CDKL5: variants seen among roughly 807,000 people sequenced by gnomAD.
CDKL5 encodes cyclin dependent kinase like 5.
In CDKL5, 8 loss-of-function variants were observed where a neutral mutation model predicts 61.7. The ratio of observed to expected loss-of-function variants is 0.13; its 90% CI spans 0.08 to 0.23. CDKL5 has a LOEUF of 0.23. Among genes scored for constraint, CDKL5 ranks in the 10% least tolerant of loss-of-function variants. The pLI is 1.00. For synonymous variants in CDKL5, 275 were observed against 272.3 expected, an observed-to-expected ratio of 1.01 and a Z score of -0.10; for missense variants, 440 against 734.5, an observed-to-expected ratio of 0.60 and a Z score of 4.63.
At chrX:18,469,167 C>T (rs772256917) in intron 1 of CDKL5, among the ~76,000 whole-genome samples, 18 of 105,134 alleles carry the variant, frequency 1.7e-4, no homozygotes, top group South Asian at 4.3e-4. Context: ...GGTGAAACCC[C>T]GTGTCTACTA....
chrX:18,573,250 C>G (rs1204775471), intron 4 of CDKL5, among the ~76,000 whole-genome samples: 1 of 111,338 alleles, frequency 9.0e-6, no homozygotes, highest in African/African-American at 3.3e-5. Context: ...TAAATTAGTC[C>G]CTTGTTAGAT....
chrX:18,595,291 C>G, intron 9 of CDKL5, 57 bp from the exon 10 acceptor site: 1 of 811,694 alleles, frequency 1.2e-6, no homozygotes, highest in Admixed American at 2.2e-5. Flanking sequence ...CTCACAAGCA[C>G]GTGCACACAC....
chrX:18,425,724 C>T (rs1478422237), intron 1 of CDKL5, 29 bp downstream of exon 1: 1 of 112,034 alleles, frequency 8.9e-6, no homozygotes, highest in Non-Finnish European at 1.9e-5. Context: ...ACCCGCCCGC[C>T]AAGCCTTCTT....
At chrX:18,527,649 C>A (rs1044826036) in intron 3 of CDKL5, among the ~76,000 whole-genome samples, 2 of 110,347 alleles carry the variant, frequency 1.8e-5, no homozygotes, top group Admixed American at 1.9e-4. Context: ...AGAGGTTTAT[C>A]AGCTTTATTG....
chrX:18,609,443 A>G (rs749238752), intron 13 of CDKL5, 22 bp from the exon 14 acceptor site: 1 of 1,211,637 alleles, frequency 8.3e-7, no homozygotes, highest in East Asian at 3.0e-5. Context: ...CTTAACTTTT[A>G]TAAATTTCTT....
intron 1 of CDKL5, among the ~76,000 whole-genome samples, chrX:18,480,799 ACTT>A (rs1010408034): frequency 1.3e-4 from 14 of 106,671 alleles, no homozygotes; most frequent in East Asian, 8.8e-4. Flanking sequence ...GACATAGCAC[ACTT>A]CTTCTTCCTT....
rs1413837885 is a variant in CDKL5, at chrX:18,604,537, C to T, written c.1613C>T (p.Thr538Met). ...CCAACCCCCACCAGACACAGTGACA[C>T]GAGAACTTTGCTCAGCCCTTCTGGA... is the stretch of plus-strand genomic sequence containing the variant. ...TSPTPTRHSD[T>M]RTLLSPSGRN... Residue 538 changes from threonine (T) to methionine (M), a missense_variant, in exon 12 of 18, where the codon ACG becomes ATG. Around this residue, in one of 2 missense-constraint regions of CDKL5, gnomAD observed 363 missense variants for 516.3 expected, o/e 0.70. Coordinates refer to ENST00000623535, the MANE Select transcript of CDKL5 (RefSeq NM_001323289.2). 1.1e-5 allele frequency: 13 copies of T among 1,211,607 alleles called. No individual in the cohort carries two copies. In the South Asian group the frequency reaches 2.1e-4, roughly 20 times the overall value.
chrX:18,449,133 G>A (rs1466005882), intron 1 of CDKL5, among the ~76,000 whole-genome samples: 1 of 112,518 alleles, frequency 8.9e-6, no homozygotes, highest in African/African-American at 3.2e-5. Flanking sequence ...GGGATTACAG[G>A]CGTGAGCCAC....
chrX:18,539,695 A>G lies in CDKL5; in HGVS notation c.100-24782A>G, dbSNP rs138108228. On this transcript the variant is annotated intron_variant, in intron 3 of 17. Coordinates refer to ENST00000623535, the MANE Select transcript of CDKL5 (RefSeq NM_001323289.2). ...CATGTATTCTGCTGCTGTTGGGTAT[A>G]GTATTTTATATATGACAATGAGACC... 4.5e-5 allele frequency among the ~76,000 whole-genome samples: 5 copies of G among 111,297 alleles called. No homozygotes were observed. In the East Asian group the frequency reaches 1.4e-3, roughly 31 times the overall value.
At chrX:18,506,741 A>G (rs1324910156) in intron 1 of CDKL5, among the ~76,000 whole-genome samples, 194 bp from the exon 2 acceptor site, 4 of 112,194 alleles carry the variant, frequency 3.6e-5, no homozygotes, top group African/African-American at 1.3e-4. Flanking sequence ...TTCATTTCAA[A>G]TACAGAGAGG....
intron 1 of CDKL5, among the ~76,000 whole-genome samples, chrX:18,452,113 T>G (rs757501502): frequency 8.9e-6 from 1 of 111,985 alleles, no homozygotes; most frequent in African/African-American, 3.2e-5. Context: ...GATGATTGTA[T>G]TAATAGATTT....
chrX:18,636,724 A>T lies in CDKL5; in HGVS notation c.*7967A>T, dbSNP rs1405568028. The stretch of plus-strand genomic sequence containing the variant: ...CTAGGTGCAGAAATAAAGACAACTT[A>T]GTCAAGTGAAGGAAAGGGTAACAGA... On this transcript the variant is annotated 3_prime_UTR_variant, in exon 18 of 18. Coordinates refer to ENST00000623535, the MANE Select transcript of CDKL5 (RefSeq NM_001323289.2). The T allele has an allele frequency of 8.9e-6, 1 of 112,006 alleles. No homozygotes were observed. The highest frequency in any genetic ancestry group is 1.9e-5 in the Non-Finnish European group (1 of 53,272). The allele number at this position is 112,006 out of a possible 1,213,427, so 9.2% of individuals were successfully genotyped here. A position where few individuals can be genotyped will look rare whatever the true frequency, so the allele number is the denominator to read the frequency against.
intron 1 of CDKL5, among the ~76,000 whole-genome samples, chrX:18,447,723 T>TA (rs1931913125): frequency 8.9e-6 from 1 of 111,987 alleles, no homozygotes; most frequent in African/African-American, 3.2e-5. Flanking sequence ...ACACTGCTGT[T>TA]ACCTGGTTTT....
At chrX:18,572,679 G>C (rs754193094) in intron 4 of CDKL5, among the ~76,000 whole-genome samples, 16 of 112,117 alleles carry the variant, frequency 1.4e-4, no homozygotes, top group Non-Finnish European at 3.0e-4. Flanking sequence ...TTGCCCTCCC[G>C]TTGCTGTGGC....
intron 5 of CDKL5, among the ~76,000 whole-genome samples, chrX:18,577,922 T>A (rs1444541047): frequency 1.8e-5 from 2 of 112,671 alleles, no homozygotes; most frequent in Non-Finnish European, 1.9e-5. Flanking sequence ...AAATGATGCA[T>A]ACATACTTAA....
At chrX:18,615,231 G>A (rs181174740) in intron 15 of CDKL5, among the ~76,000 whole-genome samples, 6 of 111,615 alleles carry the variant, frequency 5.4e-5, no homozygotes, top group South Asian at 3.8e-4. Context: ...CTGCTATGAC[G>A]TATTTCCTTC....
intron 12 of CDKL5, among the ~76,000 whole-genome samples, chrX:18,607,864 CTA>C (rs993088793): frequency 9.0e-6 from 1 of 111,506 alleles, no homozygotes; most frequent in African/African-American, 3.3e-5. Context: ...AGAAGGAAGG[CTA>C]TGTTGGATGA....
intron 3 of CDKL5, among the ~76,000 whole-genome samples, chrX:18,542,838 G>A (rs1220478800): frequency 5.4e-5 from 6 of 110,571 alleles, no homozygotes; most frequent in Admixed American, 3.8e-4. Context: ...TTTTACTCAC[G>A]CTGCCTCATT....
At chrX:18,550,028 G>C (rs745328762) in intron 3 of CDKL5, among the ~76,000 whole-genome samples, 68 of 111,817 alleles carry the variant, frequency 6.1e-4, no homozygotes, top group Admixed American at 3.4e-3. Flanking sequence ...ACCTGTCAGT[G>C]GGAAAGATGT....
Sources: allele counts gnomAD v4.1 joint callset (sites outside exome capture counted in the v4.1 genomes callset), GRCh38; gene constraint gnomAD v4.1.1; regional missense constraint gnomAD v4.1.1; transcripts MANE v1.5; gene names NCBI Gene and HGNC (gene_info 2026-07-23, HGNC 2026-07-21).